Variants in LIPA observed in about 807,000 individuals in gnomAD.
LIPA encodes lipase A, lysosomal acid type.
LIPA carries 26 observed loss-of-function variants against 40.6 expected under a neutral mutation model. That is an observed-to-expected ratio of 0.64 (90% CI 0.47 to 0.89). The LOEUF (loss-of-function observed/expected upper bound fraction) is 0.89, where lower values mean the gene tolerates loss of function less well. LIPA is among the 40% of genes least tolerant of loss of function. LIPA has a pLI of 0.00. For missense variants in LIPA, 455 were observed against 479.6 expected (o/e 0.95, Z 0.48); for synonymous variants, 188 against 168.4 (o/e 1.12, Z -0.90).
intron 1 of LIPA, among the ~76,000 whole-genome samples, chr10:89,284,846 T>A (rs988210351): frequency 1.3e-5 from 2 of 152,224 alleles, no homozygotes; most frequent in African/African-American, 4.8e-5. Context: ...CCTTAACTGA[T>A]GACATTACCT....
chr10:89,284,816 G>A (rs1265623588), intron 1 of LIPA, among the ~76,000 whole-genome samples: 2 of 152,198 alleles, frequency 1.3e-5, no homozygotes, highest in Non-Finnish European at 2.9e-5. Context: ...CACAAAAGAA[G>A]TGAAAATGGC....
chr10:89,381,968 C>G (rs1844166739), intron 2 of LIPA, among the ~76,000 whole-genome samples: 1 of 151,964 alleles, frequency 6.6e-6, no homozygotes, highest in Non-Finnish European at 1.5e-5. Context: ...TGGGGTTTCA[C>G]CATGTTGCCC....
chr10:89,340,500 G>A (rs12256980), intron 1 of LIPA: 8,136 of 145,308 alleles, frequency 0.056, 635 homozygotes, highest in African/African-American at 0.18. Context: ...AGAGGTTGCA[G>A]TGAGCCAAGA....
intron 2 of LIPA, among the ~76,000 whole-genome samples, chr10:89,390,296 T>C (rs1844237000): frequency 6.6e-6 from 1 of 152,238 alleles, no homozygotes; most frequent in African/African-American, 2.4e-5. Context: ...TGAAGATTTC[T>C]TTTTAATACT....
At chr10:89,343,284 G>C (rs1363578458), upstream of LIPA, among the ~76,000 whole-genome samples, 4 of 152,234 alleles carry the variant, frequency 2.6e-5, no homozygotes, top group African/African-American at 9.6e-5. Context: ...GTTTGGACAA[G>C]AGTATGATCT....
intron 3 of LIPA, among the ~76,000 whole-genome samples, chr10:89,244,919 CA>C (rs1245160865): frequency 1.3e-5 from 2 of 152,078 alleles, no homozygotes; most frequent in African/African-American, 4.8e-5. Flanking sequence ...TACTTCTGGA[CA>C]TGTATCATGT....
intron 5 of LIPA, among the ~76,000 whole-genome samples, chr10:89,226,267 T>C (rs1842769224): frequency 1.3e-5 from 2 of 152,192 alleles, no homozygotes; most frequent in Admixed American, 1.3e-4. Context: ...CTTCTAGGAA[T>C]ATATTGTAAG....
At chr10:89,396,475 G>T (rs953791764) in intron 2 of LIPA, among the ~76,000 whole-genome samples, 1 of 152,048 alleles carries the variant, frequency 6.6e-6, no homozygotes, top group African/African-American at 2.4e-5. Context: ...CTAAACCCAG[G>T]GGGCATCCTC....
chr10:89,307,547 G>T, intron 1 of LIPA: 1 of 568,286 alleles, frequency 1.8e-6, no homozygotes, highest in Non-Finnish European at 3.0e-6. Flanking sequence ...TCTTGAGAGA[G>T]CCCAAGGAGT....
At chr10:89,353,929 A>G (rs1436515433) in intron 2 of LIPA, among the ~76,000 whole-genome samples, 2 of 152,048 alleles carry the variant, frequency 1.3e-5, no homozygotes, top group Middle Eastern at 3.2e-3. Flanking sequence ...TGACAGAATG[A>G]GACTCCGTCT....
upstream of LIPA, among the ~76,000 whole-genome samples, chr10:89,346,380 T>G (rs530289897): frequency 2.0e-5 from 3 of 152,340 alleles, no homozygotes; most frequent in South Asian, 6.2e-4. Context: ...TAATATTCTT[T>G]TTCTAGTTCA....
chr10:89,386,967 G>C (rs1258155674), intron 2 of LIPA, among the ~76,000 whole-genome samples: 2 of 79,966 alleles, frequency 2.5e-5, no homozygotes, highest in Non-Finnish European at 5.5e-5. Context: ...GTGTGTGTGT[G>C]TGTGTGAGAG....
chr10:89,217,132 A>G (rs771259595), intron 8 of LIPA, among the ~76,000 whole-genome samples: 2 of 152,242 alleles, frequency 1.3e-5, no homozygotes, highest in African/African-American at 2.4e-5. Flanking sequence ...TGGCAAGCCA[A>G]ATGAATTTGA....
rs766026101 is a variant in LIPA, at chr10:89,384,767, G to T, written c.61+28024C>A. 3.4e-6 allele frequency: 5 copies of T among 1,478,592 alleles called. No homozygotes were observed. The Admixed American group carries it at 1.1e-4, about 32-fold the overall frequency. The allele number at this position is 1,478,592 out of a possible 1,614,324, so 91.6% of individuals were successfully genotyped here. A position where few individuals can be genotyped will look rare whatever the true frequency, so the allele number is the denominator to read the frequency against. ...AGAGGTCACCATTATCCATTTAATG[G>T]TCTTATAACTAAATAGAATGACTAT... On this transcript the variant is annotated intron_variant, in intron 2 of 8. Coordinates refer to the LIPA transcript ENST00000371837.
At chr10:89,349,733 T>A (rs1843946549) in intron 2 of LIPA, among the ~76,000 whole-genome samples, 1 of 152,186 alleles carries the variant, frequency 6.6e-6, no homozygotes, top group African/African-American at 2.4e-5. Context: ...AACTTACAGC[T>A]TTCAACAGGG....
chr10:89,413,681 C>T lies in LIPA; in HGVS notation c.-72+726G>A, dbSNP rs555433361. Among the ~76,000 whole-genome samples the T allele has an allele frequency of 4.6e-5, 7 of 151,148 alleles. No homozygotes were observed. In the East Asian group the frequency reaches 9.8e-4, roughly 21 times the overall value. ...ACTCAGGAGGCTGAGGTGGGAGGAT[C>T]GCTTGAGCCATGAAGGTTGAGGCTG... On this transcript the variant is annotated intron_variant, in intron 1 of 8. Transcript: ENST00000371837.
chr10:89,339,033 A>G (rs368728744), intron 1 of LIPA: 1 of 1,614,148 alleles, frequency 6.2e-7, no homozygotes, highest in Non-Finnish European at 8.5e-7. Context: ...CCTGCAAGAA[A>G]TTTTCAAATC....
intron 2 of LIPA, among the ~76,000 whole-genome samples, chr10:89,353,095 C>T (rs1342970491): frequency 6.6e-6 from 1 of 152,138 alleles, no homozygotes; most frequent in Non-Finnish European, 1.5e-5. Context: ...AGAGGGCCTC[C>T]TCTCCTACCA....
At chr10:89,340,328 G>T (rs1843844529) in intron 1 of LIPA, 1 of 476,004 alleles carries the variant, frequency 2.1e-6, no homozygotes, top group African/African-American at 1.9e-5. Context: ...GGAGGCCGAG[G>T]TGGGCGGATC....
Sources: gnomAD v4.1 joint callset for allele counts (sites outside exome capture counted in the v4.1 genomes callset) on GRCh38, gnomAD v4.1.1 for gene constraint, MANE v1.5 for transcripts, NCBI Gene and HGNC (gene_info 2026-07-23, HGNC 2026-07-21) for gene names.